The following RTN4IP1 variants were observed in gnomAD, a reference collection of about 807,000 sequenced individuals.
RTN4IP1 encodes the protein reticulon 4 interacting protein 1.
In RTN4IP1, 32 loss-of-function variants were observed where a neutral mutation model predicts 46.6. The observed-to-expected ratio is 0.69, with a 90% CI of 0.52 to 0.92. The LOEUF (loss-of-function observed/expected upper bound fraction) is 0.92, where lower values mean the gene tolerates loss of function less well. RTN4IP1 is among the 40% of genes least tolerant of loss of function. RTN4IP1 has a pLI of 0.00. For missense variants in RTN4IP1, 424 were observed against 485.8 expected (o/e 0.87, Z 1.20); for synonymous variants, 167 against 161.8 (o/e 1.03, Z -0.24).
At chr6:106,596,206 T>C (rs990325139) in intron 5 of RTN4IP1, among the ~76,000 whole-genome samples, 1 of 151,682 alleles carries the variant, frequency 6.6e-6, no homozygotes, top group African/African-American at 2.4e-5. Flanking sequence ...GCTACTTCTC[T>C]AAGAAGCCCT....
At chr6:106,626,037 T>C (rs1268098375) in intron 1 of RTN4IP1, among the ~76,000 whole-genome samples, 1 of 152,078 alleles carries the variant, frequency 6.6e-6, no homozygotes, top group East Asian at 1.9e-4. Flanking sequence ...AAAAGACTGA[T>C]GATGCAGGAG....
At chr6:106,576,025 G>C (rs549787146) in intron 8 of RTN4IP1, among the ~76,000 whole-genome samples, 1 of 152,176 alleles carries the variant, frequency 6.6e-6, no homozygotes, top group South Asian at 2.1e-4. Flanking sequence ...CAGGCACCAG[G>C]ACCGCAGTTC....
At chr6:106,585,905 T>A (rs777322869) in intron 7 of RTN4IP1, among the ~76,000 whole-genome samples, 1 of 152,182 alleles carries the variant, frequency 6.6e-6, no homozygotes, top group Non-Finnish European at 1.5e-5. Flanking sequence ...TAAACTTACA[T>A]TTTAAAGCAC....
intron 4 of RTN4IP1, among the ~76,000 whole-genome samples, chr6:106,606,644 C>T (rs1360355015): frequency 6.6e-6 from 1 of 151,954 alleles, no homozygotes; most frequent in Non-Finnish European, 1.5e-5. Flanking sequence ...CGGTGGCTCA[C>T]ACCTCTAATC....
chr6:106,598,971 T>C (rs1775876391), intron 5 of RTN4IP1, among the ~76,000 whole-genome samples: 1 of 152,076 alleles, frequency 6.6e-6, no homozygotes. Flanking sequence ...TAGTCTTCTA[T>C]TACTAAATGA....
chr6:106,596,261 T>TAC (rs1305956704), intron 5 of RTN4IP1, among the ~76,000 whole-genome samples: 1 of 152,210 alleles, frequency 6.6e-6, no homozygotes, highest in Admixed American at 6.5e-5. Flanking sequence ...TGGCTTTACA[T>TAC]ACACACATAC....
At chr6:106,621,983 T>C (rs985486503) in intron 2 of RTN4IP1, among the ~76,000 whole-genome samples, 7 of 152,198 alleles carry the variant, frequency 4.6e-5, no homozygotes, top group African/African-American at 7.2e-5. Flanking sequence ...ACTTAAGCTA[T>C]TTTAAAGCCA....
At chr6:106,597,401 G>A (rs1219823748) in intron 5 of RTN4IP1, among the ~76,000 whole-genome samples, 1 of 152,170 alleles carries the variant, frequency 6.6e-6, no homozygotes, top group East Asian at 1.9e-4. Flanking sequence ...CTGAAGTGCA[G>A]TGGTGTGATC....
At chr6:106,594,020 G>T (rs900147343) in intron 5 of RTN4IP1, among the ~76,000 whole-genome samples, 4 of 152,154 alleles carry the variant, frequency 2.6e-5, no homozygotes, top group African/African-American at 9.7e-5. Flanking sequence ...TCTTTAAACA[G>T]TATTAAATCC....
In RTN4IP1 at chr6:106,628,836, G is replaced by A. The variant is rs943206705; in HGVS notation, c.186C>T (p.Asn62=). Residue 62 remains asparagine (N), a synonymous_variant, in exon 1 of 9, where the codon AAC becomes AAT. Coordinates refer to ENST00000369063, the MANE Select transcript of RTN4IP1 (RefSeq NM_032730.5). ...GKNEVLRFTQ[N]MMMPIIHYPN... ...GATAGTGTATGATAGGCATCATCAT[G>A]TTCTGAGTGAATCGAAGCACTTCAT... The A allele has an allele frequency of 1.2e-6, 2 of 1,614,084 alleles. No homozygotes were observed. The highest frequency in any genetic ancestry group is 1.7e-6 in the Non-Finnish European group (2 of 1,179,948).
At chr6:106,605,150 A>C (rs1372868897) in intron 4 of RTN4IP1, among the ~76,000 whole-genome samples, 1 of 152,206 alleles carries the variant, frequency 6.6e-6, no homozygotes, top group Non-Finnish European at 1.5e-5. Context: ...AAAAGTGCCC[A>C]ACAGGCCAAG....
At chr6:106,585,893 C>G (rs1203670634) in intron 7 of RTN4IP1, among the ~76,000 whole-genome samples, 1 of 152,156 alleles carries the variant, frequency 6.6e-6, no homozygotes, top group Non-Finnish European at 1.5e-5. Context: ...TTACAGAAAA[C>G]TTAAACTTAC....
chr6:106,596,799 G>C (rs150335457), intron 5 of RTN4IP1, among the ~76,000 whole-genome samples: 59 of 152,118 alleles, frequency 3.9e-4, no homozygotes, highest in African/African-American at 1.3e-3. Context: ...TATTCCCCAC[G>C]TTCTTCATGT....
intron 5 of RTN4IP1, among the ~76,000 whole-genome samples, chr6:106,597,964 C>T (rs958191977): frequency 1.8e-4 from 28 of 152,148 alleles, no homozygotes; most frequent in Non-Finnish European, 3.4e-4. Flanking sequence ...TCTGTTCTTG[C>T]GATAGTTTAC....
At chr6:106,623,805 T>C (rs1776559411) in intron 1 of RTN4IP1, among the ~76,000 whole-genome samples, 1 of 152,232 alleles carries the variant, frequency 6.6e-6, no homozygotes, top group Admixed American at 6.5e-5. Flanking sequence ...TCACAAACTT[T>C]TTAAACAACA....
chr6:106,623,105 A>G, intron 1 of RTN4IP1, 136 bp from the exon 2 acceptor site: 2 of 831,066 alleles, frequency 2.4e-6, no homozygotes, highest in Non-Finnish European at 3.8e-6. Context: ...AAGACACATA[A>G]GTGTATGTTC....
chr6:106,579,226 C>T (rs916151347), intron 8 of RTN4IP1, among the ~76,000 whole-genome samples: 22 of 150,282 alleles, frequency 1.5e-4, no homozygotes, highest in African/African-American at 5.1e-4. Flanking sequence ...CAGAGCAAGA[C>T]TACATCTCAA....
chr6:106,619,833 G>C (rs932301054), intron 3 of RTN4IP1, among the ~76,000 whole-genome samples: 5 of 151,658 alleles, frequency 3.3e-5, no homozygotes, highest in South Asian at 2.1e-4. Context: ...AGATGGTCTC[G>C]ATCTCCTGAC....
intron 5 of RTN4IP1, among the ~76,000 whole-genome samples, chr6:106,602,060 A>G (rs1190354862): frequency 6.6e-6 from 1 of 152,192 alleles, no homozygotes; most frequent in Non-Finnish European, 1.5e-5. Context: ...GTCAGGATCA[A>G]TTGACCACAG....
Sources: allele counts gnomAD v4.1 joint callset (sites outside exome capture counted in the v4.1 genomes callset), GRCh38; gene constraint gnomAD v4.1.1; transcripts MANE v1.5; gene names NCBI Gene and HGNC (gene_info 2026-07-23, HGNC 2026-07-21).